The following HEMK2 variants were observed in gnomAD, a reference collection of about 807,000 sequenced individuals.
HEMK2 encodes methyltransferase HEMK2.
chr21:28,614,539 A>G, the HEMK2 span, among the ~76,000 whole-genome samples: 3 of 152,232 alleles, frequency 2.0e-5, no homozygotes, highest in Non-Finnish European at 4.4e-5. Flanking sequence ...GCCAAAGCCA[A>G]GATTTCAACT....
At chr21:28,849,453 C>T in the HEMK2 span, among the ~76,000 whole-genome samples, 1 of 152,168 alleles carries the variant, frequency 6.6e-6, no homozygotes, top group African/African-American at 2.4e-5. Flanking sequence ...ACTCAGGAAA[C>T]TCAAAAAGCC....
At chr21:28,742,842 C>T in the HEMK2 span, among the ~76,000 whole-genome samples, 3 of 151,846 alleles carry the variant, frequency 2.0e-5, no homozygotes, top group Non-Finnish European at 2.9e-5. Flanking sequence ...GAGGGAGAAA[C>T]GTTTTTCTAG....
the HEMK2 span, among the ~76,000 whole-genome samples, chr21:28,844,836 A>C: frequency 6.6e-6 from 1 of 152,074 alleles, no homozygotes; most frequent in East Asian, 1.9e-4. Flanking sequence ...TTTTTTGGAC[A>C]TATGGATTCA....
At chr21:28,613,121 C>T in the HEMK2 span, among the ~76,000 whole-genome samples, 14 of 150,678 alleles carry the variant, frequency 9.3e-5, no homozygotes, top group African/African-American at 3.0e-4. Context: ...GATAGATAGA[C>T]AGATCTACAG....
chr21:28,634,169 T>C, the HEMK2 span, among the ~76,000 whole-genome samples: 1 of 152,066 alleles, frequency 6.6e-6, no homozygotes, highest in Non-Finnish European at 1.5e-5. Context: ...AAGCAGAGAG[T>C]TGGTCTTTGC....
the HEMK2 span, among the ~76,000 whole-genome samples, chr21:28,757,589 G>A: frequency 5.5e-3 from 839 of 152,270 alleles, 3 homozygotes; most frequent in South Asian, 7.9e-3. Context: ...GTTTAAATTT[G>A]TTGTTGTTAA....
At chr21:28,702,507 C>A in the HEMK2 span, among the ~76,000 whole-genome samples, 1 of 152,062 alleles carries the variant, frequency 6.6e-6, no homozygotes, top group Admixed American at 6.6e-5. Context: ...AGAACATGAA[C>A]AGGCACTTTT....
chr21:28,628,485 C>T, the HEMK2 span, among the ~76,000 whole-genome samples: 1 of 152,124 alleles, frequency 6.6e-6, no homozygotes, highest in African/African-American at 2.4e-5. Context: ...GAGTTTCACT[C>T]TTGTTGCCCA....
chr21:28,686,259 CG>C, the HEMK2 span, among the ~76,000 whole-genome samples: 8 of 151,874 alleles, frequency 5.3e-5, no homozygotes, highest in South Asian at 1.7e-3. Context: ...TTTGAGATGG[CG>C]TTGTGCTCTT....
At chr21:28,602,142 A>AT in the HEMK2 span, among the ~76,000 whole-genome samples, 6 of 151,908 alleles carry the variant, frequency 3.9e-5, no homozygotes, top group Non-Finnish European at 8.8e-5. Flanking sequence ...CTATTTCTGC[A>AT]TTTTTTTTCT....
the HEMK2 span, among the ~76,000 whole-genome samples, chr21:28,671,777 C>T: frequency 2.0e-5 from 3 of 152,166 alleles, no homozygotes; most frequent in African/African-American, 4.8e-5. Flanking sequence ...TTACATCTGA[C>T]GGTTGCTTCC....
the HEMK2 span, among the ~76,000 whole-genome samples, chr21:28,648,339 G>A: frequency 6.6e-6 from 1 of 152,162 alleles, no homozygotes; most frequent in Non-Finnish European, 1.5e-5. Flanking sequence ...GCAAAAAGTA[G>A]GTTATGTATG....
chr21:28,619,081 G>A, the HEMK2 span, among the ~76,000 whole-genome samples: 1 of 152,128 alleles, frequency 6.6e-6, no homozygotes, highest in African/African-American at 2.4e-5. Context: ...CATGTACAGA[G>A]GGAAGATAAT....
the HEMK2 span, among the ~76,000 whole-genome samples, chr21:28,883,738 G>C: frequency 1.5e-4 from 22 of 151,640 alleles, no homozygotes; most frequent in African/African-American, 4.4e-4. Context: ...TTCTTTTTTA[G>C]AGACAGGCTC....
chr21:28,883,047 C>T, the HEMK2 span: 1 of 1,604,150 alleles, frequency 6.2e-7, no homozygotes, highest in Non-Finnish European at 8.5e-7. Flanking sequence ...CAGACCCTGA[C>T]CCTACTTCCA....
chr21:28,597,194 A>G, the HEMK2 span, among the ~76,000 whole-genome samples: 1 of 152,242 alleles, frequency 6.6e-6, no homozygotes, highest in South Asian at 2.1e-4. Context: ...CAGAAAATTT[A>G]ATATTTGAGC....
At chr21:28,744,484 T>C in the HEMK2 span, among the ~76,000 whole-genome samples, 34,799 of 152,008 alleles carry the variant, frequency 0.23, 4,621 homozygotes, top group African/African-American at 0.35. Flanking sequence ...TTAAGTAGTT[T>C]TTCATTCTCT....
chr21:28,775,081 G>A, the HEMK2 span, among the ~76,000 whole-genome samples: 35 of 152,092 alleles, frequency 2.3e-4, no homozygotes, highest in African/African-American at 7.2e-4. Flanking sequence ...CCTTTTATTC[G>A]GTTTTCATTT....
the HEMK2 span, among the ~76,000 whole-genome samples, chr21:28,728,725 G>A: frequency 6.6e-6 from 1 of 152,192 alleles, no homozygotes; most frequent in Non-Finnish European, 1.5e-5. Context: ...AAAACCACAA[G>A]TAGGAATTGA....
Sources: allele counts gnomAD v4.1 joint callset (sites outside exome capture counted in the v4.1 genomes callset), GRCh38; gene constraint gnomAD v4.1.1; transcripts MANE v1.5; gene names NCBI Gene and HGNC (gene_info 2026-07-23, HGNC 2026-07-21).